The following TULP4 variants were observed in gnomAD, a reference collection of about 807,000 sequenced individuals.
TULP4 encodes TUB like protein 4.
TULP4 carries 16 observed loss-of-function variants against 129.0 expected under a neutral mutation model. That is an observed-to-expected ratio of 0.12 (90% CI 0.08 to 0.19). The LOEUF is 0.19. TULP4 is among the 10% of genes least tolerant of loss of function. TULP4 has a pLI of 1.00. For missense variants in TULP4, 1,842 were observed against 2,059.1 expected (o/e 0.89, Z 2.04); for synonymous variants, 998 against 854.0 (o/e 1.17, Z -2.94).
chr6:158,357,383 T>G (rs918774645), intron 1 of TULP4, among the ~76,000 whole-genome samples: 5 of 152,236 alleles, frequency 3.3e-5, no homozygotes, highest in Non-Finnish European at 7.4e-5. Flanking sequence ...TGGTCCATCT[T>G]CTAACAGTCA....
At chr6:158,354,200 C>T (rs1780589295) in intron 1 of TULP4, among the ~76,000 whole-genome samples, 1 of 131,496 alleles carries the variant, frequency 7.6e-6, no homozygotes, top group South Asian at 2.8e-4. Flanking sequence ...ATTTGTACTT[C>T]TCCTTGGAGG....
intron 1 of TULP4, among the ~76,000 whole-genome samples, chr6:158,403,890 A>T (rs1190774962): frequency 9.9e-5 from 15 of 152,090 alleles, no homozygotes; most frequent in Non-Finnish European, 2.9e-5. Flanking sequence ...AAACTTAGGA[A>T]CTGCATCTAG....
At chr6:158,365,714 G>A (rs539949157) in intron 1 of TULP4, among the ~76,000 whole-genome samples, 17 of 151,188 alleles carry the variant, frequency 1.1e-4, no homozygotes, top group South Asian at 6.3e-4. Context: ...CTTGTGATCC[G>A]CCCGCCTTGG....
chr6:158,372,164 CTTTTT>C (rs67123255), intron 1 of TULP4, among the ~76,000 whole-genome samples: 1 of 83,324 alleles, frequency 1.2e-5, no homozygotes, highest in African/African-American at 5.0e-5. Flanking sequence ...ATTCTATCTG[CTTTTT>C]TTTTTTTTTT....
At chr6:158,410,685 G>A (rs112887321) in intron 1 of TULP4, among the ~76,000 whole-genome samples, 17 of 152,294 alleles carry the variant, frequency 1.1e-4, no homozygotes, top group African/African-American at 3.1e-4. Context: ...TGTCTGTGAA[G>A]TGGGCTTTTA....
rs140474095 is a variant in TULP4 at position 158,504,774 on chromosome 6, G to A, written c.4515+596G>A. 1.2e-3 allele frequency among the ~76,000 whole-genome samples: 181 copies of A among 152,250 alleles called. 1 individual carries two copies. Among genetic ancestry groups the A allele is most frequent in the African/African-American group, 4.1e-3 (171 of 41,546 alleles). ...CTCAAGATGTTGGGATTACAGGCGT[G>A]AGCCAACGCACCTGGCCTGCAGTCA... On this transcript the variant is annotated intron_variant, in intron 13 of 13. Transcript: ENST00000367097.
At chr6:158,488,023 T>C (rs1780111645) in intron 8 of TULP4, among the ~76,000 whole-genome samples, 1 of 151,934 alleles carries the variant, frequency 6.6e-6, no homozygotes, top group South Asian at 2.1e-4. Context: ...CCCAGCACTT[T>C]GGGAGGCTGA....
intron 1 of TULP4, among the ~76,000 whole-genome samples, chr6:158,336,356 A>G (rs1780033505): frequency 6.6e-6 from 1 of 152,202 alleles, no homozygotes; most frequent in Non-Finnish European, 1.5e-5. Context: ...GTATATTACA[A>G]ATGTCTTCTC....
At chr6:158,328,079 GGTGTGTGT>G (rs766393090) in intron 1 of TULP4, among the ~76,000 whole-genome samples, 2,436 of 120,534 alleles carry the variant, frequency 0.02, 40 homozygotes, top group African/African-American at 0.037. Flanking sequence ...TCTCAGAGCT[GGTGTGTGT>G]GTGTGTGTGT....
intron 1 of TULP4, among the ~76,000 whole-genome samples, chr6:158,267,188 A>AT (rs1303828993): frequency 6.6e-6 from 1 of 152,196 alleles, no homozygotes; most frequent in Non-Finnish European, 1.5e-5. Context: ...GTCAATACAC[A>AT]TTTTGTTAAC....
In TULP4 at chr6:158,368,066, C is replaced by CAAAAAA. The variant is rs3085241; in HGVS notation, c.253-44982_253-44977dup. ...ACTCCAGCCTGGGTGACCCTGTCTC[C>CAAAAAA]AAAAAAAAAAAAAAAAAAAAAAGGA... On this transcript the variant is annotated intron_variant, in intron 1 of 13. Coordinates refer to ENST00000367097, the MANE Select transcript of TULP4 (RefSeq NM_020245.5). Among the ~76,000 whole-genome samples, 46 of 64,996 alleles carry CAAAAAA rather than the reference C, an allele frequency of 7.1e-4. 2 individuals carry two copies. The highest frequency in any genetic ancestry group is 9.3e-4 in the Non-Finnish European group (32 of 34,456). The allele number at this position is 64,996 out of a possible 152,430, so 42.6% of individuals were successfully genotyped here.
intron 1 of TULP4, among the ~76,000 whole-genome samples, chr6:158,263,079 G>A (rs1035939717): frequency 1.3e-5 from 2 of 152,218 alleles, no homozygotes; most frequent in Non-Finnish European, 2.9e-5. Context: ...CATCCTACCC[G>A]TTTAAATTAC....
In TULP4 at chr6:158,241,919, G is replaced by A. The variant is rs1020809453; in HGVS notation, n.68+9616G>A. ...GCTTTGTTAAATTCTATAGCTTGTA[G>A]TTGTTTCTTGGAAAGCTTAAACTCT... On this transcript the variant is annotated intron_variant and non_coding_transcript_variant, in intron 1 of 1. Coordinates refer to the TULP4 transcript ENST00000620026. The A allele has an allele frequency of 1.0e-5, 8 of 783,706 alleles. No homozygotes were observed. In the African/African-American group the frequency reaches 1.2e-4, roughly 12 times the overall value. The allele number at this position is 783,706 out of a possible 1,614,324, so 48.5% of individuals were successfully genotyped here. A position where few individuals can be genotyped will look rare whatever the true frequency, so the allele number is the denominator to read the frequency against.
At chr6:158,450,916 T>A (rs941537929) in intron 4 of TULP4, among the ~76,000 whole-genome samples, 3 of 150,960 alleles carry the variant, frequency 2.0e-5, no homozygotes, top group Non-Finnish European at 3.0e-5. Flanking sequence ...AAAAAAAAAA[T>A]TAGCCAAGCA....
chr6:158,240,045 AC>A (rs1182321383), intron 1 of TULP4, among the ~76,000 whole-genome samples: 3 of 60,282 alleles, frequency 5.0e-5, no homozygotes, highest in East Asian at 6.2e-4. Context: ...CGGGGGGCTG[AC>A]CCCCCCACCT....
intron 1 of TULP4, among the ~76,000 whole-genome samples, chr6:158,315,241 GGGA>G (rs1396838707): frequency 6.6e-6 from 1 of 151,876 alleles, no homozygotes; most frequent in Non-Finnish European, 1.5e-5. Context: ...CTCACAGTTC[GGGA>G]GGCTGAAAGT....
intron 1 of TULP4, among the ~76,000 whole-genome samples, chr6:158,347,608 C>A (rs1780342153): frequency 2.0e-5 from 3 of 152,354 alleles, no homozygotes; most frequent in African/African-American, 7.2e-5. Context: ...CCTCTGACTT[C>A]ATCTCCTGCC....
At chr6:158,461,078 C>T (rs905156206) in intron 5 of TULP4, among the ~76,000 whole-genome samples, 1 of 152,150 alleles carries the variant, frequency 6.6e-6, no homozygotes. Context: ...TAATAGAATC[C>T]ATCATCTTCA....
chr6:158,448,411 T>A (rs1779099556), intron 3 of TULP4, among the ~76,000 whole-genome samples: 1 of 152,106 alleles, frequency 6.6e-6, no homozygotes, highest in Non-Finnish European at 1.5e-5. Context: ...CATGACTACA[T>A]CCTTAAATTA....
Sources: allele counts gnomAD v4.1 joint callset (sites outside exome capture counted in the v4.1 genomes callset), GRCh38; gene constraint gnomAD v4.1.1; transcripts MANE v1.5; gene names NCBI Gene and HGNC (gene_info 2026-07-23, HGNC 2026-07-21).